SYAP1: variants seen among roughly 807,000 people sequenced by gnomAD.
SYAP1 encodes the protein synapse-associated protein 1.
SYAP1 carries 3 observed loss-of-function variants against 29.6 expected under a neutral mutation model. That is an observed-to-expected ratio of 0.10 (90% CI 0.05 to 0.26). The LOEUF is 0.26. Ranked by LOEUF, SYAP1 falls within the 10% of genes least tolerant of loss-of-function variation. The pLI is 1.00. For missense variants in SYAP1, 217 were observed against 264.1 expected (o/e 0.82, Z 1.24); for synonymous variants, 102 against 102.7 (o/e 0.99, Z 0.04).
chrX:16,722,752 AT>A (rs1224488918), intron 1 of SYAP1, among the ~76,000 whole-genome samples: 9 of 110,715 alleles, frequency 8.1e-5, no homozygotes, highest in Admixed American at 4.9e-4. Flanking sequence ...CTCCTGATAA[AT>A]TTACAACCTC....
intron 2 of SYAP1, 46 bp from the exon 3 acceptor site, chrX:16,736,120 C>T (rs1926323067): frequency 1.2e-6 from 1 of 849,556 alleles, no homozygotes; most frequent in Non-Finnish European, 1.8e-6. Context: ...TCAATTAAAC[C>T]TTAGATACAT....
In SYAP1 at chrX:16,763,413, C is replaced by G. The variant is rs1927025654; in HGVS notation, c.*3054C>G. ...TGTCACCCAGGCTGGAGTGCAGTGGCTTGATCTCAGCTCACGGCAACCTCC... is the reference window on the plus strand; with the variant it reads ...TGTCACCCAGGCTGGAGTGCAGTGGGTTGATCTCAGCTCACGGCAACCTCC... On this transcript the variant is annotated 3_prime_UTR_variant, in exon 9 of 9. Transcript: ENST00000380155. The G allele has an allele frequency of 9.1e-6, 1 of 110,292 alleles. No homozygotes were observed. 9.1% of individuals were successfully genotyped at this position (110,292 alleles called of 1,213,427 possible).
intron 8 of SYAP1, among the ~76,000 whole-genome samples, chrX:16,757,672 G>A (rs1487417750): frequency 3.6e-5 from 4 of 110,511 alleles, no homozygotes; most frequent in African/African-American, 1.3e-4. Context: ...GCAGTGAGCC[G>A]AGATCGCGTC....
chrX:16,719,707 C>T lies in SYAP1; in HGVS notation c.-18C>T. On this transcript the variant is annotated 5_prime_UTR_variant, in exon 1 of 9. Transcript: ENST00000380155. ...CGGTCTCTGGGGATCGGGACCGCGG[C>T]GGCGGCCCGCGAGCGGGATGTTCCG... 1 of 1,200,819 alleles carries T rather than the reference C, an allele frequency of 8.3e-7. No individual in the cohort carries two copies. The highest frequency in any genetic ancestry group is 1.1e-6 in the Non-Finnish European group (1 of 891,245).
rs756736049 is a variant in SYAP1 at position 16,749,665 on chromosome X, C to G, written c.576-5280C>G. On this transcript the variant is annotated intron_variant, in intron 5 of 8. Transcript: ENST00000380155. ...GCGCGGTGGCTCACACCTGTAATCC[C>G]AGCACTTTGGGAAGCTGAGGCAGGT... 2.8e-4 allele frequency among the ~76,000 whole-genome samples: 31 copies of G among 110,893 alleles called. No individual in the cohort carries two copies. In the East Asian group the frequency reaches 8.6e-3, roughly 31 times the overall value.
At chrX:16,744,899 G>A (rs187562740) in intron 5 of SYAP1, among the ~76,000 whole-genome samples, 2 of 112,082 alleles carry the variant, frequency 1.8e-5, no homozygotes, top group Admixed American at 1.9e-4. Context: ...CTGGGAGGTC[G>A]ACGCTGCAGT....
Position 16,762,197 on chromosome X carries a change from G to A in SYAP1, c.*1838G>A, listed in dbSNP as rs1377423326. The A allele has an allele frequency of 9.0e-6, 1 of 111,470 alleles. No homozygotes were observed. Among genetic ancestry groups the A allele is most frequent in the Non-Finnish European group, 1.9e-5 (1 of 53,203 alleles). 9.2% of individuals were successfully genotyped at this position (111,470 alleles called of 1,213,427 possible). ...AAAGAAGCATGTTAAATGTTTTTAAGCAGCTAAAAGTCCTAGATGGAAGCA... is the reference window on the plus strand; with the variant it reads ...AAAGAAGCATGTTAAATGTTTTTAAACAGCTAAAAGTCCTAGATGGAAGCA... On this transcript the variant is annotated 3_prime_UTR_variant, in exon 9 of 9. Coordinates refer to ENST00000380155, the MANE Select transcript of SYAP1 (RefSeq NM_032796.4).
rs1927004039 is a variant in SYAP1 at position 16,762,359 on chromosome X, T to C, written c.*2000T>C. ...GGCAATAGAGGTGTGTGACAGTTATTGCTATCAATTTTACATAATATCTCA... is the reference window on the plus strand; with the variant it reads ...GGCAATAGAGGTGTGTGACAGTTATCGCTATCAATTTTACATAATATCTCA... On this transcript the variant is annotated 3_prime_UTR_variant, in exon 9 of 9. Coordinates refer to ENST00000380155, the MANE Select transcript of SYAP1 (RefSeq NM_032796.4). 1 of 111,589 alleles carries C rather than the reference T, an allele frequency of 9.0e-6. No homozygotes were observed. 9.2% of individuals were successfully genotyped at this position (111,589 alleles called of 1,213,427 possible).
At chrX:16,741,282 T>C (rs1201969848) in intron 3 of SYAP1, among the ~76,000 whole-genome samples, 1 of 111,274 alleles carries the variant, frequency 9.0e-6, no homozygotes, top group Non-Finnish European at 1.9e-5. Flanking sequence ...CACTACAGCC[T>C]TGACTCCTGG....
At chrX:16,740,268 A>G (rs1180485225) in intron 3 of SYAP1, among the ~76,000 whole-genome samples, 1 of 110,322 alleles carries the variant, frequency 9.1e-6, no homozygotes, top group African/African-American at 3.3e-5. Flanking sequence ...TGGCATTCCC[A>G]GCATTTAGCT....
chrX:16,751,764 C>T (rs1350194868), intron 5 of SYAP1, among the ~76,000 whole-genome samples: 5 of 104,436 alleles, frequency 4.8e-5, no homozygotes, highest in African/African-American at 7.0e-5. Flanking sequence ...CTGCAACCTC[C>T]GCCTCCTGGG....
At chrX:16,742,352 A>G (rs1347596870) in intron 4 of SYAP1, among the ~76,000 whole-genome samples, 1 of 108,934 alleles carries the variant, frequency 9.2e-6, no homozygotes, top group African/African-American at 3.4e-5. Context: ...GGGTTTCACC[A>G]TGTTGGCCAG....
intron 1 of SYAP1, among the ~76,000 whole-genome samples, chrX:16,724,649 G>A (rs1489696053): frequency 8.9e-6 from 1 of 111,965 alleles, no homozygotes; most frequent in Non-Finnish European, 1.9e-5. Context: ...CATCCATAGT[G>A]AGTTGGTTTC....
rs1235306158 is a variant in SYAP1 at position 16,736,037 on chromosome X, GA to G, written c.295-128del. The G allele has an allele frequency of 1.3e-5, 6 of 473,779 alleles. No individual in the cohort carries two copies. In the Admixed American group the frequency reaches 2.1e-4, roughly 16 times the overall value. 39.0% of individuals were successfully genotyped at this position (473,779 alleles called of 1,213,427 possible). ...GGAACAACCCTTTTAAGACTCTAAG[GA>G]GTGAGTTTGTTTTTTGCAGTGGGCC... On this transcript the variant is annotated intron_variant, in intron 2 of 8. Coordinates refer to ENST00000380155, the MANE Select transcript of SYAP1 (RefSeq NM_032796.4).
chrX:16,743,307 G>A (rs1448137726), intron 4 of SYAP1, among the ~76,000 whole-genome samples: 4 of 106,990 alleles, frequency 3.7e-5, no homozygotes, highest in African/African-American at 6.9e-5. Context: ...TAGCCTGGGC[G>A]ACAGAGCAAG....
At chrX:16,737,111 T>A (rs1926347294) in intron 3 of SYAP1, among the ~76,000 whole-genome samples, 1 of 111,858 alleles carries the variant, frequency 8.9e-6, no homozygotes, top group African/African-American at 3.2e-5. Context: ...TTGGCAAAAG[T>A]AGTATAACTG....
chrX:16,739,715 G>A (rs747643775), intron 3 of SYAP1, among the ~76,000 whole-genome samples: 21 of 111,128 alleles, frequency 1.9e-4, no homozygotes, highest in Non-Finnish European at 3.6e-4. Flanking sequence ...TTTGCTTTGT[G>A]GTGATGCAGG....
At chrX:16,742,143 G>GTTTTTTTTTTTTGTTTTTTTTTTTTTTTT (rs1926475275) in intron 4 of SYAP1, among the ~76,000 whole-genome samples, 1 of 41,872 alleles carries the variant, frequency 2.4e-5, no homozygotes, top group African/African-American at 1.3e-4. Context: ...TTTTTGTGTG[G>GTTTTTTTTTTTTGTTTTTTTTTTTTTTTT]TTTTTTTTTT....
At chrX:16,749,544 C>T (rs1926682984) in intron 5 of SYAP1, among the ~76,000 whole-genome samples, 1 of 111,750 alleles carries the variant, frequency 8.9e-6, no homozygotes, top group Non-Finnish European at 1.9e-5. Context: ...ATCAAGACAG[C>T]AAACAGTGCC....
Sources: allele counts gnomAD v4.1 joint callset (sites outside exome capture counted in the v4.1 genomes callset), GRCh38; gene constraint gnomAD v4.1.1; transcripts MANE v1.5; gene names NCBI Gene and HGNC (gene_info 2026-07-23, HGNC 2026-07-21).